FGF14: variants seen among roughly 807,000 people sequenced by gnomAD.
The protein encoded by FGF14 is fibroblast growth factor homologous factor 4.
FGF14 carries 5 observed loss-of-function variants against 25.5 expected under a neutral mutation model. The observed-to-expected ratio is 0.20, with a 90% confidence interval of 0.10 to 0.41. The LOEUF is 0.41. FGF14 is among the 10% of genes least tolerant of loss of function. The pLI, the probability that FGF14 is intolerant of heterozygous loss-of-function variation, is 1.00. For missense variants in FGF14, 222 were observed against 320.1 expected (o/e 0.69, Z 2.34); for synonymous variants, 138 against 118.3 (o/e 1.17, Z -1.08).
intron 1 of FGF14, among the ~76,000 whole-genome samples, chr13:102,348,093 A>G (rs2057166984): frequency 6.6e-6 from 1 of 152,140 alleles, no homozygotes; most frequent in South Asian, 2.1e-4. Context: ...TGATGTGGGC[A>G]AGTGTAAAAT....
intron 1 of FGF14, among the ~76,000 whole-genome samples, chr13:102,359,708 A>T (rs2057514172): frequency 6.6e-6 from 1 of 152,194 alleles, no homozygotes; most frequent in South Asian, 2.1e-4. Context: ...AAATTCTCTT[A>T]TTAAGTGAAA....
chr13:101,986,161 T>C (rs2038567542), intron 1 of FGF14, among the ~76,000 whole-genome samples: 1 of 152,130 alleles, frequency 6.6e-6, no homozygotes, highest in Admixed American at 6.6e-5. Context: ...TAAACCACTA[T>C]TACCTGGGAA....
rs866677557 is a variant in FGF14, at chr13:101,820,807, A to C, written c.408+47918T>G. 4.6e-4 allele frequency among the ~76,000 whole-genome samples: 20 copies of C among 43,638 alleles called. 1 individual carries two copies. Among genetic ancestry groups the C allele is most frequent in the Middle Eastern group, 0.013 (1 of 76 alleles). The allele number at this position is 43,638 out of a possible 152,430, so 28.6% of individuals were successfully genotyped here. On this transcript the variant is annotated intron_variant, in intron 3 of 4. Coordinates refer to ENST00000376143, the MANE Select transcript of FGF14 (RefSeq NM_004115.4). ...ACACACACACACACACACACACACA[A>C]CACACACACACACACCACACACACA...
chr13:101,986,455 T>C (rs964549222), intron 1 of FGF14, among the ~76,000 whole-genome samples: 1 of 152,094 alleles, frequency 6.6e-6, no homozygotes, highest in African/African-American at 2.4e-5. Flanking sequence ...AGTCAGCGTA[T>C]CCAAGCTGTA....
chr13:102,252,551 T>A (rs1467627341), intron 1 of FGF14, among the ~76,000 whole-genome samples: 3 of 152,184 alleles, frequency 2.0e-5, no homozygotes, highest in African/African-American at 7.2e-5. Context: ...TCTTCCCATA[T>A]ACTTTCAATC....
intron 1 of FGF14, among the ~76,000 whole-genome samples, chr13:102,020,942 A>C (rs2040614722): frequency 6.6e-6 from 1 of 151,878 alleles, no homozygotes; most frequent in Non-Finnish European, 1.5e-5. Flanking sequence ...AAGGCTGAAG[A>C]ATGGCCTCGC....
chr13:101,763,386 T>G (rs909625412), intron 3 of FGF14, among the ~76,000 whole-genome samples: 2 of 152,192 alleles, frequency 1.3e-5, no homozygotes, highest in Non-Finnish European at 2.9e-5. Flanking sequence ...ACCCATGGGA[T>G]GGAATGAACA....
At chr13:102,009,758 A>G (rs1304531997) in intron 1 of FGF14, among the ~76,000 whole-genome samples, 1 of 152,152 alleles carries the variant, frequency 6.6e-6, no homozygotes, top group African/African-American at 2.4e-5. Context: ...TAAGTAGGTA[A>G]ACTACAGACT....
At chr13:101,724,798 C>A (rs1447936071) in intron 4 of FGF14, among the ~76,000 whole-genome samples, 2 of 150,764 alleles carry the variant, frequency 1.3e-5, no homozygotes. Context: ...TAGTACCTAC[C>A]CCCTTAACTG....
intron 1 of FGF14, among the ~76,000 whole-genome samples, chr13:102,351,351 C>G (rs940156390): frequency 6.6e-6 from 1 of 152,156 alleles, no homozygotes; most frequent in Middle Eastern, 3.4e-3. Context: ...TCCCCTCGAA[C>G]ATGTCTTCAA....
At chr13:101,829,342 T>G (rs1322947188) in intron 3 of FGF14, among the ~76,000 whole-genome samples, 2 of 152,030 alleles carry the variant, frequency 1.3e-5, no homozygotes, top group African/African-American at 4.8e-5. Flanking sequence ...TTATTACAGG[T>G]TTCTCCTGAG....
At chr13:101,846,405 A>T (rs1416449560) in intron 3 of FGF14, among the ~76,000 whole-genome samples, 1 of 152,042 alleles carries the variant, frequency 6.6e-6, no homozygotes, top group East Asian at 1.9e-4. Context: ...GCTACTAAAA[A>T]TGCAGACATT....
chr13:102,349,548 T>C (rs1039666615), intron 1 of FGF14, among the ~76,000 whole-genome samples: 1 of 152,236 alleles, frequency 6.6e-6, no homozygotes, highest in Non-Finnish European at 1.5e-5. Flanking sequence ...GTTTCCATAA[T>C]AATGCCACTT....
At chr13:101,956,933 T>C (rs1013174874) in intron 1 of FGF14, among the ~76,000 whole-genome samples, 1 of 152,100 alleles carries the variant, frequency 6.6e-6, no homozygotes, top group African/African-American at 2.4e-5. Flanking sequence ...TATTTCATTT[T>C]AGAGGTAGAA....
intron 1 of FGF14, among the ~76,000 whole-genome samples, chr13:101,939,007 C>T (rs1472078567): frequency 6.6e-6 from 1 of 152,142 alleles, no homozygotes; most frequent in African/African-American, 2.4e-5. Context: ...AAACATTGTA[C>T]ATCATGCAGC....
At chr13:102,393,743 G>C (rs1183488609) in intron 1 of FGF14, 1 of 152,156 alleles carries the variant, frequency 6.6e-6, no homozygotes, top group African/African-American at 2.4e-5. Context: ...TTCACCCAAG[G>C]CTCAAAGCTT....
chr13:102,053,608 C>A (rs1438504281), intron 1 of FGF14, among the ~76,000 whole-genome samples: 2 of 152,016 alleles, frequency 1.3e-5, no homozygotes, highest in African/African-American at 4.8e-5. Context: ...GCAATAAATG[C>A]CTACATCAAG....
At chr13:101,909,569 G>A (rs571063840) in intron 1 of FGF14, among the ~76,000 whole-genome samples, 117 of 152,230 alleles carry the variant, frequency 7.7e-4, no homozygotes, top group Admixed American at 1.3e-3. Flanking sequence ...TTAGAAAGGC[G>A]ATCATTAAAA....
chr13:101,778,198 A>G (rs532447126), intron 3 of FGF14, among the ~76,000 whole-genome samples: 2 of 152,302 alleles, frequency 1.3e-5, no homozygotes, highest in South Asian at 2.1e-4. Context: ...CTGTCTGCCT[A>G]TACTAGCTTA....
Sources: allele counts gnomAD v4.1 joint callset (sites outside exome capture counted in the v4.1 genomes callset), GRCh38; gene constraint gnomAD v4.1.1; transcripts MANE v1.5; gene names NCBI Gene and HGNC (gene_info 2026-07-23, HGNC 2026-07-21).